The following TTYH2 variants were observed in gnomAD, a reference collection of about 807,000 sequenced individuals.
TTYH2 encodes tweety family member 2, also known as protein tweety homolog 2.
Under a neutral mutation model 68.3 loss-of-function variants are expected in TTYH2, and 49 were observed. The ratio of observed to expected loss-of-function variants is 0.72; its 90% CI spans 0.57 to 0.91. TTYH2 has a LOEUF of 0.91. Ranked by LOEUF, TTYH2 falls within the 40% of genes least tolerant of loss-of-function variation. TTYH2 has a pLI of 0.00. For missense variants in TTYH2, 631 were observed against 700.4 expected (o/e 0.90, Z 1.12); for synonymous variants, 272 against 300.8 (o/e 0.90, Z 0.99).
chr17:74,218,775 G>T (rs555682008), intron 1 of TTYH2, among the ~76,000 whole-genome samples: 2 of 152,308 alleles, frequency 1.3e-5, no homozygotes, highest in Admixed American at 1.3e-4. Context: ...TCCTTGCTGG[G>T]TGGGGACATT....
chr17:74,222,590 G>T lies in TTYH2; in HGVS notation c.235G>T (p.Val79Leu). Reference sequence around the variant, plus strand: ...ATGCCACTGCCGGCGGGACGATGCGGTGCAGACCAAGCAGCACCACTCCTG... The same window carrying T: ...ATGCCACTGCCGGCGGGACGATGCGTTGCAGACCAAGCAGCACCACTCCTG... Reference protein sequence around the residue: ...CACHCRRDDAVQTKQHHSCCI... With the variant: ...CACHCRRDDALQTKQHHSCCI... Residue 79 changes from valine to leucine, a missense_variant, in exon 2 of 14, where the codon GTG (valine) becomes TTG (leucine). Val to Leu is a conservative substitution (Grantham distance 32, BLOSUM62 1). Transcript: ENST00000269346. This position sits in a 1 kb window ranked among gnomAD's most constrained non-coding sequence, Gnocchi z 5.2. The T allele has an allele frequency of 1.2e-6, 2 of 1,612,372 alleles. No individual in the cohort carries two copies. The highest frequency in any genetic ancestry group is 8.5e-7 in the Non-Finnish European group (1 of 1,180,006).
chr17:74,229,091 C>G (rs2050361022), intron 2 of TTYH2, among the ~76,000 whole-genome samples: 1 of 152,100 alleles, frequency 6.6e-6, no homozygotes, highest in Admixed American at 6.5e-5. Context: ...GAAGAAGGAA[C>G]ATTCTATAAG....
At position 74,215,864 on chromosome 17, in the gene TTYH2, G is replaced by A. The variant is rs868459870; in HGVS notation, c.129+2148G>A. Among the ~76,000 whole-genome samples, 17 of 152,232 alleles carry A rather than the reference G, an allele frequency of 1.1e-4. No individual in the cohort carries two copies. The highest frequency in any genetic ancestry group is 2.1e-4 in the South Asian group (1 of 4,834). On this transcript the variant is annotated intron_variant, in intron 1 of 13. Transcript: ENST00000269346. This position sits in a 1 kb window ranked among gnomAD's most constrained non-coding sequence, Gnocchi z 4.3. ...GCTATGCCAGGCGTGGGGTGACCGT[G>A]GTAACCAAGGCAGCAGGTCTTCAGG...
intron 3 of TTYH2, among the ~76,000 whole-genome samples, chr17:74,236,395 G>A (rs1322103639): frequency 6.6e-6 from 1 of 152,252 alleles, no homozygotes; most frequent in Non-Finnish European, 1.5e-5. Context: ...TAGCAACATA[G>A]AGTCTGTTTC....
In TTYH2 at chr17:74,232,230, G is replaced by A. The variant is rs2050396770; in HGVS notation, c.414+1231G>A. Among the ~76,000 whole-genome samples, 1 of 152,188 alleles carries A rather than the reference G, an allele frequency of 6.6e-6. No homozygotes were observed. The highest frequency in any genetic ancestry group is 2.4e-5 in the African/African-American group (1 of 41,444). ...CTCCTGCTCCCTTAAGCTCCTCTAA[G>A]GCTTTAATCCCTCAGTCAACAAGGG... On this transcript the variant is annotated intron_variant, in intron 3 of 13. Coordinates refer to ENST00000269346, the MANE Select transcript of TTYH2 (RefSeq NM_032646.6). This position sits in a 1 kb window ranked among gnomAD's most constrained non-coding sequence, Gnocchi z 5.1.
At chr17:74,242,292 T>C (rs2050509854) in intron 4 of TTYH2, among the ~76,000 whole-genome samples, 1 of 152,214 alleles carries the variant, frequency 6.6e-6, no homozygotes, top group African/African-American at 2.4e-5. Context: ...GGTTCCACAC[T>C]GAGCCCTCTG....
chr17:74,225,194 C>T (rs933015098), intron 2 of TTYH2, among the ~76,000 whole-genome samples: 4 of 151,640 alleles, frequency 2.6e-5, no homozygotes, highest in African/African-American at 4.9e-5. Flanking sequence ...GGAAGAGGAA[C>T]GTGCAAAGGC....
chr17:74,222,618 G>T lies in TTYH2; in HGVS notation c.263G>T (p.Cys88Phe), dbSNP rs772155395. Reference sequence around the variant, plus strand: ...CAGACCAAGCAGCACCACTCCTGCTGCATCACCTGGACGGCCGTGGTGGCC... The same window carrying T: ...CAGACCAAGCAGCACCACTCCTGCTTCATCACCTGGACGGCCGTGGTGGCC... ...AVQTKQHHSC[C>F]ITWTAVVAGL... Residue 88 changes from cysteine (C) to phenylalanine (F), a missense_variant, in exon 2 of 14, where the codon TGC becomes TTC. By Grantham distance (205) the Cys-to-Phe change is radical. Coordinates refer to ENST00000269346, the MANE Select transcript of TTYH2 (RefSeq NM_032646.6). The surrounding 1 kb of genome is among the most constrained non-coding windows in gnomAD (Gnocchi z 5.2). 2 of 1,611,536 alleles carry T rather than the reference G, an allele frequency of 1.2e-6. No individual in the cohort carries two copies. The highest frequency in any genetic ancestry group is 2.2e-5 in the East Asian group (1 of 44,874).
At chr17:74,245,048 T>C (rs1272942019) in intron 6 of TTYH2, among the ~76,000 whole-genome samples, 1 of 152,106 alleles carries the variant, frequency 6.6e-6, no homozygotes, top group Non-Finnish European at 1.5e-5. Context: ...GGGGGTGGCT[T>C]GTACAAGAAG....
intron 2 of TTYH2, among the ~76,000 whole-genome samples, chr17:74,230,204 G>A (rs1462936272): frequency 6.6e-6 from 1 of 152,060 alleles, no homozygotes; most frequent in Admixed American, 6.6e-5. Flanking sequence ...AGGAATTTTA[G>A]GGCAGTGAAA....
At chr17:74,237,540 GA>G in intron 4 of TTYH2, 26 bp downstream of exon 4, 1 of 1,579,628 alleles carries the variant, frequency 6.3e-7, no homozygotes, top group East Asian at 2.3e-5. Context: ...GAGGCAGAGG[GA>G]GGGGCAGCAG....
At chr17:74,243,288 C>A in intron 4 of TTYH2, 86 bp from the exon 5 acceptor site, 1 of 1,120,374 alleles carries the variant, frequency 8.9e-7, no homozygotes, top group Non-Finnish European at 1.4e-6. Context: ...CAGTGTGTCC[C>A]AGGGCTGCCG....
At chr17:74,240,360 A>G (rs1355324575) in intron 4 of TTYH2, among the ~76,000 whole-genome samples, 2 of 151,320 alleles carry the variant, frequency 1.3e-5, no homozygotes, top group Non-Finnish European at 2.9e-5. Context: ...AATTGCTTGA[A>G]CCCAGGAAGC....
rs1054556401 is a variant in TTYH2, at chr17:74,217,732, G to C, written c.129+4016G>C. Among the ~76,000 whole-genome samples, 1 of 152,208 alleles carries C rather than the reference G, an allele frequency of 6.6e-6. No individual in the cohort carries two copies. The highest frequency in any genetic ancestry group is 2.4e-5 in the African/African-American group (1 of 41,458). On this transcript the variant is annotated intron_variant, in intron 1 of 13. Transcript: ENST00000269346. This position sits in a 1 kb window ranked among gnomAD's most constrained non-coding sequence, Gnocchi z 4.0. ...TATGTCTTCTGGGGCCAGGGCTGTT[G>C]CCCCCTCCCCTGCCCAGTGCAGAAG...
rs117925272 is a variant in TTYH2, at chr17:74,236,958, G to A, written c.415-336G>A. Among the ~76,000 whole-genome samples, 344 of 150,226 alleles carry A rather than the reference G, an allele frequency of 2.3e-3. 14 individuals carry two copies. In the East Asian group the frequency reaches 0.055, roughly 24 times the overall value. On this transcript the variant is annotated intron_variant, in intron 3 of 13. Coordinates refer to ENST00000269346, the MANE Select transcript of TTYH2 (RefSeq NM_032646.6). The stretch of plus-strand genomic sequence containing the variant: ...GTCGCCCAGGCTGGAGTGCAATGGT[G>A]CGATCTTGACTCATTGCAGACTCCG...
At chr17:74,236,165 A>C (rs2050441119) in intron 3 of TTYH2, among the ~76,000 whole-genome samples, 1 of 152,142 alleles carries the variant, frequency 6.6e-6, no homozygotes, top group Admixed American at 6.5e-5. Context: ...ACACACATCC[A>C]GGGGAGGATG....
At chr17:74,237,659 C>G (rs904908150) in intron 4 of TTYH2, 145 bp downstream of exon 4, 4 of 706,550 alleles carry the variant, frequency 5.7e-6, no homozygotes, top group Non-Finnish European at 9.1e-6. Flanking sequence ...CAGAGTCTTG[C>G]TCTGTTGCCC....
At chr17:74,252,974 G>A (rs561169080) in intron 11 of TTYH2, 107 bp from the exon 12 acceptor site, 82 of 1,202,712 alleles carry the variant, frequency 6.8e-5, no homozygotes, top group African/African-American at 5.0e-4. Flanking sequence ...GGAGACACGC[G>A]TGGCCAGAGA....
Position 74,215,912 on chromosome 17 carries a change from C to A in TTYH2, c.129+2196C>A, listed in dbSNP as rs575057099. On this transcript the variant is annotated intron_variant, in intron 1 of 13. Coordinates refer to ENST00000269346, the MANE Select transcript of TTYH2 (RefSeq NM_032646.6). This position sits in a 1 kb window ranked among gnomAD's most constrained non-coding sequence, Gnocchi z 4.3. The stretch of plus-strand genomic sequence containing the variant: ...AGGAGAAATTGCTGGGGATTTTCTG[C>A]GGCTGGGCTCTGGGCGCAGTGCTAT... Among the ~76,000 whole-genome samples, 1 of 152,178 alleles carries A rather than the reference C, an allele frequency of 6.6e-6. No individual in the cohort carries two copies. Among genetic ancestry groups the A allele is most frequent in the Non-Finnish European group, 1.5e-5 (1 of 68,038 alleles).
Sources: allele counts gnomAD v4.1 joint callset (sites outside exome capture counted in the v4.1 genomes callset), GRCh38; gene constraint gnomAD v4.1.1; non-coding constraint Gnocchi (gnomAD v3.1); transcripts MANE v1.5; gene names NCBI Gene and HGNC (gene_info 2026-07-23, HGNC 2026-07-21).